The following ADGRF5 variants were observed in gnomAD, a reference collection of about 807,000 sequenced individuals.
ADGRF5 encodes the protein adhesion G protein-coupled receptor F5, also known as G-protein coupled receptor 116.
In ADGRF5, 75 loss-of-function variants were observed where a neutral mutation model predicts 132.3. The ratio of observed to expected loss-of-function variants is 0.57; its 90% confidence interval spans 0.47 to 0.69. The LOEUF (loss-of-function observed/expected upper bound fraction) is 0.69, where lower values mean the gene tolerates loss of function less well. ADGRF5 is among the 30% of genes least tolerant of loss of function. The pLI is 0.00. For missense variants in ADGRF5, 1,516 were observed against 1,630.6 expected (o/e 0.93, Z 1.21); for synonymous variants, 629 against 597.6 (o/e 1.05, Z -0.77).
chr6:46,884,639 C>T (rs1370697196), intron 4 of ADGRF5, among the ~76,000 whole-genome samples: 1 of 152,172 alleles, frequency 6.6e-6, no homozygotes, highest in Non-Finnish European at 1.5e-5. Flanking sequence ...TTTGTACTAC[C>T]TTCTTATATT....
chr6:46,918,448 G>C lies in ADGRF5; in HGVS notation c.-25+3265C>G, dbSNP rs113947294. 8.5e-5 allele frequency among the ~76,000 whole-genome samples: 13 copies of C among 152,282 alleles called. 3 individuals are homozygous for C. Among genetic ancestry groups the C allele is most frequent in the African/African-American group, 3.1e-4 (13 of 41,550 alleles). Reference sequence around the variant, plus strand: ...ATGACTTATCATCTATTCATATTTAGTTCAACCCAGAAAGTGGCAGCTCAT... The same window carrying C: ...ATGACTTATCATCTATTCATATTTACTTCAACCCAGAAAGTGGCAGCTCAT... On this transcript the variant is annotated intron_variant, in intron 1 of 20. Coordinates refer to ENST00000283296, the MANE Select transcript of ADGRF5 (RefSeq NM_001098518.2).
chr6:46,934,668 C>T (rs1484566882), intron 1 of ADGRF5, among the ~76,000 whole-genome samples: 3 of 152,124 alleles, frequency 2.0e-5, no homozygotes, highest in African/African-American at 7.2e-5. Context: ...TGTTCAAATG[C>T]AGGGATGTGT....
In ADGRF5 at chr6:46,853,971, G is replaced by T. The variant is rs373405244; in HGVS notation, c.*21C>A. The T allele has an allele frequency of 1.9e-6, 3 of 1,547,728 alleles. No homozygotes were observed. The South Asian group carries it at 3.5e-5, about 18-fold the overall frequency. Reference sequence around the variant, plus strand: ...ACAGCCACTGTCCCCGGGAGGTCACGTAGGTTGGATTATCCTGTTCTTAGT... The same window carrying T: ...ACAGCCACTGTCCCCGGGAGGTCACTTAGGTTGGATTATCCTGTTCTTAGT... On this transcript the variant is annotated 3_prime_UTR_variant, in exon 21 of 21. Transcript: ENST00000283296.
At chr6:46,944,431 C>T (rs1778220253) in intron 1 of ADGRF5, among the ~76,000 whole-genome samples, 2 of 152,188 alleles carry the variant, frequency 1.3e-5, no homozygotes. Context: ...GGTGGGGACT[C>T]TTGTTCTAAG....
Position 46,860,804 on chromosome 6 carries a change from T to A in ADGRF5, c.2290A>T (p.Ser764Cys). ...GCTCCCAGACTCCCAGGAGAAGAGC[T>A]GATTTCATGTTCCGCTTTGTCTATG... ...ISIDKAEHEISSSPGSLGAII... is the reference protein window; with the variant it reads ...ISIDKAEHEICSSPGSLGAII... Residue 764 changes from serine to cysteine, a missense_variant, in exon 16 of 21, where the codon AGC becomes TGC. By Grantham distance (112) the Ser-to-Cys change is moderately radical (BLOSUM62 -1). Around this residue, in one of 2 missense-constraint regions of ADGRF5, gnomAD observed 945 missense variants for 929.4 expected, o/e 1.02. Coordinates refer to ENST00000283296, the MANE Select transcript of ADGRF5 (RefSeq NM_001098518.2). 6.2e-7 allele frequency: 1 copy of A among 1,613,508 alleles called. No individual in the cohort carries two copies.
intron 3 of ADGRF5, among the ~76,000 whole-genome samples, chr6:46,899,494 T>G (rs563637293): frequency 6.6e-6 from 1 of 152,158 alleles, no homozygotes; most frequent in Non-Finnish European, 1.5e-5. Flanking sequence ...GTTTCAGAAT[T>G]TGCAGCTCTT....
chr6:46,866,798 G>C, intron 13 of ADGRF5, 127 bp downstream of exon 13: 1 of 609,140 alleles, frequency 1.6e-6, no homozygotes, highest in East Asian at 2.7e-5. Context: ...AGATTCATGG[G>C]ATTCTACTCT....
chr6:46,904,674 G>C (rs1174671249), intron 2 of ADGRF5, among the ~76,000 whole-genome samples: 1 of 152,082 alleles, frequency 6.6e-6, no homozygotes, highest in African/African-American at 2.4e-5. Flanking sequence ...GCCTAAAAAT[G>C]GTTTCAAGAT....
intron 6 of ADGRF5, among the ~76,000 whole-genome samples, chr6:46,882,422 T>C (rs1033914819): frequency 6.6e-6 from 1 of 152,126 alleles, no homozygotes; most frequent in Non-Finnish European, 1.5e-5. Flanking sequence ...GGAAGGAAGG[T>C]TGGCTAAAAT....
intron 9 of ADGRF5, among the ~76,000 whole-genome samples, chr6:46,878,836 T>C (rs546774429): frequency 2.5e-4 from 38 of 152,310 alleles, no homozygotes; most frequent in Non-Finnish European, 4.6e-4. Context: ...GATGGCCCCA[T>C]TGGCATCTGA....
At chr6:46,908,596 T>A (rs767027457) in intron 1 of ADGRF5, 1 of 152,178 alleles carries the variant, frequency 6.6e-6, no homozygotes, top group Admixed American at 6.6e-5. Flanking sequence ...TTAGCAAGAA[T>A]TACAATGTTT....
At chr6:46,902,829 T>C (rs976899889) in intron 2 of ADGRF5, among the ~76,000 whole-genome samples, 2 of 152,004 alleles carry the variant, frequency 1.3e-5, no homozygotes, top group Non-Finnish European at 2.9e-5. Flanking sequence ...CTCTGAGGAG[T>C]TGGGATGGAG....
chr6:46,872,603 A>G (rs1581783466), intron 10 of ADGRF5, among the ~76,000 whole-genome samples: 1 of 152,124 alleles, frequency 6.6e-6, no homozygotes, highest in South Asian at 2.1e-4. Flanking sequence ...GAAAACTTCA[A>G]CTTCATGCAT....
Position 46,853,083 on chromosome 6 carries a change from G to A in ADGRF5, c.*909C>T, listed in dbSNP as rs1768661393. ...AATATATATTTTTTGCTTTCAAAAT[G>A]TGGAACAAACTAAAATATAAGGCTT... On this transcript the variant is annotated 3_prime_UTR_variant, in exon 21 of 21. Coordinates refer to ENST00000283296, the MANE Select transcript of ADGRF5 (RefSeq NM_001098518.2). 4 of 152,536 alleles carry A rather than the reference G, an allele frequency of 2.6e-5. No individual in the cohort carries two copies. The highest frequency in any genetic ancestry group is 2.0e-4 in the Admixed American group (3 of 15,266). The allele number at this position is 152,536 out of a possible 1,614,324, so 9.4% of individuals were successfully genotyped here.
At chr6:46,948,256 T>C (rs1778370709) in intron 1 of ADGRF5, among the ~76,000 whole-genome samples, 3 of 152,294 alleles carry the variant, frequency 2.0e-5, no homozygotes, top group South Asian at 4.1e-4. Flanking sequence ...AAGTTTCTTG[T>C]AAGAAGCTCA....
In ADGRF5 at chr6:46,853,185, T is replaced by C. The variant is rs1468260977; in HGVS notation, c.*807A>G. 2.0e-5 allele frequency: 3 copies of C among 152,450 alleles called. 1 individual carries two copies. In the East Asian group the frequency reaches 5.8e-4, roughly 29 times the overall value. 9.4% of individuals were successfully genotyped at this position (152,450 alleles called of 1,614,324 possible). On this transcript the variant is annotated 3_prime_UTR_variant, in exon 21 of 21. Coordinates refer to ENST00000283296, the MANE Select transcript of ADGRF5 (RefSeq NM_001098518.2). ...TTGTAATACTTCCTCTGCAGATACA[T>C]TCACTTAGTTCAAACCTTAACATAC...
At chr6:46,868,353 A>G (rs1770681113) in intron 12 of ADGRF5, among the ~76,000 whole-genome samples, 1 of 152,254 alleles carries the variant, frequency 6.6e-6, no homozygotes, top group African/African-American at 2.4e-5. Flanking sequence ...AATACTTTGC[A>G]TAGTGCCTAT....
chr6:46,929,516 A>T (rs1211043276), intron 1 of ADGRF5, among the ~76,000 whole-genome samples: 2 of 131,922 alleles, frequency 1.5e-5, no homozygotes, highest in African/African-American at 5.9e-5. Flanking sequence ...AAATAAAAAT[A>T]AAAAAAAGAA....
intron 1 of ADGRF5, among the ~76,000 whole-genome samples, chr6:46,949,651 G>A (rs1028053799): frequency 6.6e-6 from 1 of 152,122 alleles, no homozygotes; most frequent in Non-Finnish European, 1.5e-5. Flanking sequence ...GTTAGACCTC[G>A]GAATGGCTAG....
Sources: gnomAD v4.1 joint callset for allele counts (sites outside exome capture counted in the v4.1 genomes callset) on GRCh38, gnomAD v4.1.1 for gene constraint, gnomAD v4.1.1 regional missense constraint, MANE v1.5 for transcripts, NCBI Gene and HGNC (gene_info 2026-07-23, HGNC 2026-07-21) for gene names.